CDH12: variants seen among roughly 807,000 people sequenced by gnomAD.
CDH12 encodes cadherin 12.
Under a neutral mutation model 74.1 loss-of-function variants are expected in CDH12, and 41 were observed. That is an observed-to-expected ratio of 0.55 (90% CI 0.43 to 0.72). The LOEUF is 0.72. CDH12 is among the 30% of genes least tolerant of loss of function. The pLI is 0.00. For missense variants in CDH12, 945 were observed against 977.2 expected, an observed-to-expected ratio of 0.97 and a Z score of 0.44; for synonymous variants, 399 against 355.0, an observed-to-expected ratio of 1.12 and a Z score of -1.39.
intron 4 of CDH12, among the ~76,000 whole-genome samples, chr5:22,119,088 G>T (rs1407095800): frequency 2.0e-5 from 3 of 152,104 alleles, no homozygotes; most frequent in African/African-American, 7.2e-5. Context: ...AAGACCTTGA[G>T]TGCTGAGAAA....
At chr5:22,580,159 A>G in intron 1 of CDH12, 1 of 277,540 alleles carries the variant, frequency 3.6e-6, no homozygotes, top group Non-Finnish European at 7.2e-6. Context: ...CTGACAAGGA[A>G]GAGGATCCAG....
At chr5:21,925,267 G>A (rs1024448841) in intron 6 of CDH12, among the ~76,000 whole-genome samples, 5 of 152,080 alleles carry the variant, frequency 3.3e-5, no homozygotes, top group African/African-American at 1.2e-4. Flanking sequence ...ATGCAACAGT[G>A]GCTCTAAAGG....
At chr5:22,510,894 AT>A (rs34007830) in intron 1 of CDH12, among the ~76,000 whole-genome samples, 11,192 of 143,768 alleles carry the variant, frequency 0.078, 446 homozygotes, top group East Asian at 0.19. Context: ...AACATATATA[AT>A]TTTTTTTTTT....
chr5:21,988,787 TATA>T (rs1463572424), intron 5 of CDH12, among the ~76,000 whole-genome samples: 1 of 152,160 alleles, frequency 6.6e-6, no homozygotes, highest in Non-Finnish European at 1.5e-5. Context: ...TGTAGTTTGA[TATA>T]ATACTTTCCA....
intron 3 of CDH12, among the ~76,000 whole-genome samples, chr5:22,311,109 T>C (rs879706814): frequency 2.0e-5 from 3 of 152,208 alleles, no homozygotes; most frequent in Non-Finnish European, 4.4e-5. Context: ...AAATTCTTTC[T>C]GTTACAAATG....
chr5:22,316,093 G>A (rs1318854819), intron 3 of CDH12, among the ~76,000 whole-genome samples: 2 of 152,046 alleles, frequency 1.3e-5, no homozygotes, highest in Non-Finnish European at 1.5e-5. Context: ...AAAGAATTGG[G>A]TTCCTCAGAT....
At chr5:22,520,071 T>C (rs1299277183) in intron 1 of CDH12, among the ~76,000 whole-genome samples, 1 of 152,100 alleles carries the variant, frequency 6.6e-6, no homozygotes, top group East Asian at 1.9e-4. Flanking sequence ...ATTTTATATG[T>C]GAGATTTTGG....
At chr5:22,294,795 C>T (rs894418187) in intron 3 of CDH12, among the ~76,000 whole-genome samples, 9 of 152,194 alleles carry the variant, frequency 5.9e-5, no homozygotes, top group Non-Finnish European at 8.8e-5. Context: ...TCCATGGCCT[C>T]TCGTTTCTTA....
intron 5 of CDH12, among the ~76,000 whole-genome samples, chr5:22,068,654 C>T (rs577539428): frequency 6.6e-6 from 1 of 152,184 alleles, no homozygotes; most frequent in African/African-American, 2.4e-5. Flanking sequence ...GGGATGGAGC[C>T]CTCAGAATGT....
At chr5:22,219,002 G>A (rs899860207) in intron 3 of CDH12, among the ~76,000 whole-genome samples, 6 of 151,628 alleles carry the variant, frequency 4.0e-5, no homozygotes, top group Non-Finnish European at 7.4e-5. Flanking sequence ...TATCTATCCA[G>A]ATAATAGTTC....
At chr5:22,385,313 T>C (rs78379055) in intron 3 of CDH12, among the ~76,000 whole-genome samples, 159 of 152,300 alleles carry the variant, frequency 1.0e-3, no homozygotes, top group African/African-American at 3.6e-3. Flanking sequence ...TAGTTATCCA[T>C]ATGATTTTCT....
intron 2 of CDH12, among the ~76,000 whole-genome samples, chr5:22,453,513 T>C (rs1159503613): frequency 1.3e-5 from 2 of 152,070 alleles, no homozygotes; most frequent in Admixed American, 6.6e-5. Context: ...ATGACCTCAT[T>C]TGTAAAATCT....
intron 14 of CDH12, among the ~76,000 whole-genome samples, chr5:21,755,341 T>A (rs1201470182): frequency 6.6e-6 from 1 of 152,136 alleles, no homozygotes; most frequent in Non-Finnish European, 1.5e-5. Flanking sequence ...CTTGAACATA[T>A]TTTTGGTGTT....
At position 22,655,125 on chromosome 5, in the gene CDH12, A is replaced by G. The variant is rs144649221; in HGVS notation, c.-522-149761T>C. 4.5e-3 allele frequency among the ~76,000 whole-genome samples: 678 copies of G among 152,274 alleles called. 7 individuals are homozygous for G. The highest frequency in any genetic ancestry group is 0.016 in the African/African-American group (646 of 41,550). On this transcript the variant is annotated intron_variant, in intron 1 of 14. Coordinates refer to ENST00000382254, the MANE Select transcript of CDH12 (RefSeq NM_004061.5). ...CCAGATGCTTATGTCAATTGACCCTATCAATCATGAAGCATTGTGAATTTT... is the reference window on the plus strand; with the variant it reads ...CCAGATGCTTATGTCAATTGACCCTGTCAATCATGAAGCATTGTGAATTTT...
At chr5:22,612,924 C>T (rs1737484482) in intron 1 of CDH12, among the ~76,000 whole-genome samples, 1 of 152,036 alleles carries the variant, frequency 6.6e-6, no homozygotes, top group South Asian at 2.1e-4. Context: ...AGAGGAATAA[C>T]TTGGAAGAAG....
intron 1 of CDH12, among the ~76,000 whole-genome samples, chr5:22,675,761 C>T (rs1355662741): frequency 1.3e-5 from 2 of 151,216 alleles, no homozygotes; most frequent in East Asian, 2.0e-4. Flanking sequence ...TCCATTAAAC[C>T]TCTTTTTTTG....
chr5:22,368,677 G>C (rs777956321), intron 3 of CDH12, among the ~76,000 whole-genome samples: 13 of 152,134 alleles, frequency 8.5e-5, no homozygotes, highest in Non-Finnish European at 1.8e-4. Context: ...GAAGCCTGAA[G>C]AAGTAACATT....
rs370685741 is a variant in CDH12 at position 21,951,732 on chromosome 5, A to C, written c.526+23359T>G. On this transcript the variant is annotated intron_variant, in intron 6 of 14. Coordinates refer to ENST00000382254, the MANE Select transcript of CDH12 (RefSeq NM_004061.5). ...TCCTTTGGAGCTCATTTCCTTGACA[A>C]TGGAAGAAAGTACTTCACTGCACTA... 2.0e-4 allele frequency among the ~76,000 whole-genome samples: 30 copies of C among 152,350 alleles called. No homozygotes were observed. In the South Asian group the frequency reaches 5.2e-3, roughly 26 times the overall value.
At chr5:22,748,530 T>C (rs1745403626) in intron 1 of CDH12, among the ~76,000 whole-genome samples, 1 of 152,200 alleles carries the variant, frequency 6.6e-6, no homozygotes, top group Non-Finnish European at 1.5e-5. Context: ...ATGTATTTTG[T>C]TTTCTTCTGG....
Sources: gnomAD v4.1 joint callset for allele counts (sites outside exome capture counted in the v4.1 genomes callset) on GRCh38, gnomAD v4.1.1 for gene constraint, MANE v1.5 for transcripts, NCBI Gene and HGNC (gene_info 2026-07-23, HGNC 2026-07-21) for gene names.